The following SPART variants were observed in gnomAD, a reference collection of about 807,000 sequenced individuals.
The protein encoded by SPART is spastic paraplegia 20 (Troyer syndrome).
A neutral mutation model predicts 58.7 loss-of-function variants in SPART; 35 were observed. The ratio of observed to expected loss-of-function variants is 0.60; its 90% CI spans 0.46 to 0.79. The LOEUF (loss-of-function observed/expected upper bound fraction) is 0.79, where lower values mean the gene tolerates loss of function less well. SPART is among the 30% of genes least tolerant of loss of function. SPART has a pLI of 0.00. For missense variants in SPART, 730 were observed against 786.1 expected, an observed-to-expected ratio of 0.93 and a Z score of 0.85; for synonymous variants, 284 against 280.7, an observed-to-expected ratio of 1.01 and a Z score of -0.12.
intron 3 of SPART, among the ~76,000 whole-genome samples, chr13:36,331,049 G>T (rs1214979367): frequency 6.6e-6 from 1 of 152,158 alleles, no homozygotes; most frequent in African/African-American, 2.4e-5. Context: ...TCTGATATAA[G>T]TGCTTAATGT....
In SPART at chr13:36,303,864, GTTT is replaced by G. The variant is rs1318266974; in HGVS notation, c.*498_*500del. Reference sequence around the variant, plus strand: ...GTTTTTTTGAGAATTCTTAGTTTTAGTTTTTGTTTAGCTTACACACTGAAAATT... The same window carrying G: ...GTTTTTTTGAGAATTCTTAGTTTTAGTTGTTTAGCTTACACACTGAAAATT... On this transcript the variant is annotated 3_prime_UTR_variant, in exon 9 of 9. Coordinates refer to ENST00000438666, the MANE Select transcript of SPART (RefSeq NM_015087.5). The G allele has an allele frequency of 6.5e-6, 1 of 153,652 alleles. No homozygotes were observed. The highest frequency in any genetic ancestry group is 1.5e-5 in the Non-Finnish European group (1 of 68,848). 9.5% of individuals were successfully genotyped at this position (153,652 alleles called of 1,614,324 possible).
intron 1 of SPART, among the ~76,000 whole-genome samples, chr13:36,344,793 A>G (rs190815952): frequency 6.6e-6 from 1 of 152,362 alleles, no homozygotes; most frequent in African/African-American, 2.4e-5. Flanking sequence ...AAGAAGACAA[A>G]GTCTTTGAAA....
Position 36,304,227 on chromosome 13 carries a change from A to T in SPART, c.*138T>A. The T allele has an allele frequency of 9.6e-7, 1 of 1,040,126 alleles. No homozygotes were observed. The highest frequency in any genetic ancestry group is 2.0e-5 in the Admixed American group (1 of 50,160). The allele number at this position is 1,040,126 out of a possible 1,614,324, so 64.4% of individuals were successfully genotyped here. On this transcript the variant is annotated 3_prime_UTR_variant, in exon 9 of 9. Transcript: ENST00000438666. ...CCTTTTAAATAGAAGACATGCCATA[A>T]AATTTATGAAAGTTAATTTGTAGGA...
intron 8 of SPART, among the ~76,000 whole-genome samples, chr13:36,306,593 T>A (rs1172693113): frequency 1.3e-5 from 2 of 152,204 alleles, no homozygotes; most frequent in Non-Finnish European, 2.9e-5. Context: ...TACAGTTTGA[T>A]ACCTCCAGCT....
chr13:36,349,106 A>C (rs1885312242), upstream of SPART, among the ~76,000 whole-genome samples: 1 of 152,156 alleles, frequency 6.6e-6, no homozygotes, highest in East Asian at 1.9e-4. Flanking sequence ...TCTACTAAAA[A>C]TACAAAATTA....
intron 1 of SPART, among the ~76,000 whole-genome samples, chr13:36,353,848 C>T (rs1459771488): frequency 6.6e-6 from 1 of 152,182 alleles, no homozygotes; most frequent in Non-Finnish European, 1.5e-5. Context: ...TCAGTAGTCA[C>T]AGAGTGGTCT....
intron 5 of SPART, among the ~76,000 whole-genome samples, chr13:36,318,718 C>A (rs1350879970): frequency 1.3e-5 from 2 of 152,218 alleles, no homozygotes; most frequent in Non-Finnish European, 2.9e-5. Flanking sequence ...GCTTGCTACA[C>A]GTGCCGGAAA....
rs1052251952 is a variant in SPART, at chr13:36,320,240, T to C, written c.1289-5819A>G. 5.7e-4 allele frequency among the ~76,000 whole-genome samples: 87 copies of C among 152,310 alleles called. No homozygotes were observed. The Middle Eastern group carries it at 0.01, about 18-fold the overall frequency. ...TTCTGCTTCCCGGCGCCTTCAGCTGTACTCACTCTTTGTTGAGTCTCCCAC... is the reference window on the plus strand; with the variant it reads ...TTCTGCTTCCCGGCGCCTTCAGCTGCACTCACTCTTTGTTGAGTCTCCCAC... On this transcript the variant is annotated intron_variant, in intron 5 of 8. Transcript: ENST00000438666.
Position 36,312,078 on chromosome 13 carries a change from T to C in SPART, c.1733+67A>G, listed in dbSNP as rs114639111. 6,685 of 1,469,620 alleles carry C rather than the reference T, an allele frequency of 4.5e-3. 266 individuals are homozygous for C. The African/African-American group carries it at 0.083, about 18-fold the overall frequency. The allele number at this position is 1,469,620 out of a possible 1,614,324, so 91.0% of individuals were successfully genotyped here. Reference sequence around the variant, plus strand: ...CTCCAGCTTGGGCAACAAGAGAAACTCCCTCTCAGAAAAACAACAACAACA... The same window carrying C: ...CTCCAGCTTGGGCAACAAGAGAAACCCCCTCTCAGAAAAACAACAACAACA... On this transcript the variant is annotated intron_variant, in intron 8 of 8. Coordinates refer to ENST00000438666, the MANE Select transcript of SPART (RefSeq NM_015087.5).
At chr13:36,324,708 C>T (rs990827464) in intron 5 of SPART, among the ~76,000 whole-genome samples, 8 of 152,190 alleles carry the variant, frequency 5.3e-5, no homozygotes, top group African/African-American at 1.9e-4. Flanking sequence ...AAGAGACCAC[C>T]AAACAGGCTT....
intron 5 of SPART, among the ~76,000 whole-genome samples, chr13:36,319,576 C>T (rs1167179465): frequency 6.6e-6 from 1 of 151,734 alleles, no homozygotes; most frequent in African/African-American, 2.4e-5. Context: ...CAAGTTAGTT[C>T]AGGATCTGCA....
At chr13:36,363,145 C>T (rs1343589713) in intron 1 of SPART, among the ~76,000 whole-genome samples, 1 of 152,220 alleles carries the variant, frequency 6.6e-6, no homozygotes, top group Non-Finnish European at 1.5e-5. Context: ...GTATTTCAAA[C>T]AGTCCTTGTA....
At chr13:36,351,152 A>G (rs1234331896), upstream of SPART, among the ~76,000 whole-genome samples, 1 of 152,098 alleles carries the variant, frequency 6.6e-6, no homozygotes, top group Non-Finnish European at 1.5e-5. Flanking sequence ...TGGTTACCTA[A>G]ATTAACTGAA....
At chr13:36,364,044 A>G (rs1394079245) in intron 1 of SPART, among the ~76,000 whole-genome samples, 1 of 152,132 alleles carries the variant, frequency 6.6e-6, no homozygotes, top group African/African-American at 2.4e-5. Context: ...ATATCTGTGT[A>G]TAGATTCATG....
At chr13:36,366,646 A>G (rs145645489) in intron 1 of SPART, among the ~76,000 whole-genome samples, 1 of 152,326 alleles carries the variant, frequency 6.6e-6, no homozygotes, top group Non-Finnish European at 1.5e-5. Flanking sequence ...ACATGCATTT[A>G]TAAAAATCTT....
chr13:36,325,795 T>C (rs1593248577), intron 5 of SPART: 1 of 152,236 alleles, frequency 6.6e-6, no homozygotes, highest in East Asian at 1.9e-4. Flanking sequence ...TGTTCTCATG[T>C]CTGCATTGCT....
chr13:36,346,769 CT>C, upstream of SPART: 1 of 152,566 alleles, frequency 6.6e-6, no homozygotes. Flanking sequence ...TGCGCAATCT[CT>C]TTCTCTCCAG....
intron 1 of SPART, among the ~76,000 whole-genome samples, chr13:36,336,849 C>A (rs995205711): frequency 4.6e-5 from 7 of 152,174 alleles, no homozygotes; most frequent in African/African-American, 1.2e-4. Flanking sequence ...TGATTGCCTG[C>A]AACATCAATG....
chr13:36,367,773 C>T (rs1385779425), intron 1 of SPART, among the ~76,000 whole-genome samples: 2 of 152,176 alleles, frequency 1.3e-5, no homozygotes, highest in Non-Finnish European at 2.9e-5. Context: ...GGTGATATCT[C>T]CTCACTCACT....
Sources: gnomAD v4.1 joint callset for allele counts (sites outside exome capture counted in the v4.1 genomes callset) on GRCh38, gnomAD v4.1.1 for gene constraint, MANE v1.5 for transcripts, NCBI Gene and HGNC (gene_info 2026-07-23, HGNC 2026-07-21) for gene names.